AGBL4: variants seen among roughly 807,000 people sequenced by gnomAD.
AGBL4 encodes the protein cytosolic carboxypeptidase 6.
A neutral mutation model predicts 66.4 loss-of-function variants in AGBL4; 58 were observed. That is an observed-to-expected ratio of 0.87 (90% CI 0.71 to 1.09). The LOEUF is 1.09. Among genes scored for constraint, AGBL4 ranks in the 50% least tolerant of loss-of-function variants. AGBL4 has a pLI of 0.00. For synonymous variants in AGBL4, 234 were observed against 222.9 expected (o/e 1.05, Z -0.44); for missense variants, 579 against 631.0 (o/e 0.92, Z 0.88).
chr1:49,755,113 G>T (rs184188485), intron 2 of AGBL4, among the ~76,000 whole-genome samples: 5 of 152,038 alleles, frequency 3.3e-5, no homozygotes, highest in Admixed American at 2.6e-4. Context: ...TGGGTACCAG[G>T]GCCTAGCCAA....
chr1:49,466,854 G>A (rs1646642033), intron 3 of AGBL4, among the ~76,000 whole-genome samples: 1 of 151,764 alleles, frequency 6.6e-6, no homozygotes, highest in Non-Finnish European at 1.5e-5. Context: ...TGTAGGTGTT[G>A]GCATGCACAC....
intron 3 of AGBL4, among the ~76,000 whole-genome samples, chr1:49,403,650 G>A (rs916250176): frequency 7.2e-5 from 11 of 152,152 alleles, no homozygotes; most frequent in Non-Finnish European, 2.9e-5. Context: ...TATGCTTATA[G>A]ATGTTCTTCA....
intron 4 of AGBL4, among the ~76,000 whole-genome samples, chr1:49,088,114 T>C (rs1027449546): frequency 6.6e-6 from 1 of 152,158 alleles, no homozygotes; most frequent in Non-Finnish European, 1.5e-5. Flanking sequence ...AGATTGTTCC[T>C]GGCCACCACA....
intron 2 of AGBL4, among the ~76,000 whole-genome samples, chr1:49,795,597 C>G (rs894432592): frequency 8.6e-5 from 13 of 151,520 alleles, no homozygotes; most frequent in African/African-American, 2.9e-4. Context: ...ATTAGAAGAT[C>G]TAAGGGCAAA....
chr1:48,900,558 A>C (rs1273274808), intron 5 of AGBL4, among the ~76,000 whole-genome samples: 1 of 152,258 alleles, frequency 6.6e-6, no homozygotes, highest in Non-Finnish European at 1.5e-5. Context: ...AAAACAGAAC[A>C]GAGTCCAGAA....
intron 3 of AGBL4, among the ~76,000 whole-genome samples, chr1:49,282,393 T>C (rs1309327117): frequency 6.6e-6 from 1 of 152,170 alleles, no homozygotes; most frequent in African/African-American, 2.4e-5. Flanking sequence ...TATGGTACTA[T>C]TCAAAAGACA....
intron 5 of AGBL4, among the ~76,000 whole-genome samples, chr1:49,017,716 T>C (rs1167169069): frequency 6.6e-6 from 1 of 152,176 alleles, no homozygotes; most frequent in East Asian, 1.9e-4. Context: ...GACTGGCACA[T>C]GATAGGTGCT....
At chr1:49,781,191 A>C (rs1308332600) in intron 2 of AGBL4, among the ~76,000 whole-genome samples, 1 of 152,112 alleles carries the variant, frequency 6.6e-6, no homozygotes, top group Non-Finnish European at 1.5e-5. Context: ...GAAGTTTGAG[A>C]CCAGCCTGGG....
chr1:49,097,908 T>C (rs779602054), intron 4 of AGBL4, among the ~76,000 whole-genome samples: 1 of 152,218 alleles, frequency 6.6e-6, no homozygotes, highest in Non-Finnish European at 1.5e-5. Context: ...GAGGTAAAAG[T>C]CTTTCATTCT....
At chr1:48,830,326 A>T (rs1376773630) in intron 6 of AGBL4, among the ~76,000 whole-genome samples, 2 of 152,214 alleles carry the variant, frequency 1.3e-5, no homozygotes, top group Non-Finnish European at 2.9e-5. Flanking sequence ...TAGGCATTGC[A>T]ACTCTACTTT....
intron 3 of AGBL4, among the ~76,000 whole-genome samples, chr1:49,267,647 T>G (rs908968573): frequency 3.3e-5 from 5 of 151,820 alleles, no homozygotes; most frequent in African/African-American, 4.8e-5. Flanking sequence ...ACCACTGCAC[T>G]TCAGCCTGGG....
chr1:48,738,003 C>A (rs1240061319), intron 6 of AGBL4, among the ~76,000 whole-genome samples: 1 of 152,116 alleles, frequency 6.6e-6, no homozygotes, highest in Non-Finnish European at 1.5e-5. Flanking sequence ...TGGAGAGGTC[C>A]CTGGTCTAAG....
intron 3 of AGBL4, among the ~76,000 whole-genome samples, chr1:49,631,620 A>G (rs1477315995): frequency 6.6e-6 from 1 of 152,168 alleles, no homozygotes; most frequent in East Asian, 1.9e-4. Flanking sequence ...GGATGATATC[A>G]TTACTGTGAC....
At chr1:49,511,812 C>G (rs906396017) in intron 3 of AGBL4, among the ~76,000 whole-genome samples, 2 of 151,800 alleles carry the variant, frequency 1.3e-5, no homozygotes, top group African/African-American at 4.8e-5. Context: ...TAACATTGTA[C>G]ATGGACAGTT....
chr1:48,530,121 T>C (rs1181635720), downstream of AGBL4, among the ~76,000 whole-genome samples: 1 of 152,146 alleles, frequency 6.6e-6, no homozygotes, highest in Non-Finnish European at 1.5e-5. Flanking sequence ...TGGAGACAAA[T>C]GGATAAGGCC....
chr1:50,008,324 T>C (rs1375012568), intron 1 of AGBL4, among the ~76,000 whole-genome samples: 1 of 152,212 alleles, frequency 6.6e-6, no homozygotes, highest in African/African-American at 2.4e-5. Flanking sequence ...GTATCTTCTC[T>C]GAACACAGGG....
chr1:49,875,618 C>T (rs1167523132), intron 1 of AGBL4, among the ~76,000 whole-genome samples: 4 of 149,226 alleles, frequency 2.7e-5, no homozygotes, highest in Non-Finnish European at 3.0e-5. Context: ...AATAAACATA[C>T]GTGTACATGT....
At chr1:48,712,840 C>G (rs1238172712) in intron 6 of AGBL4, among the ~76,000 whole-genome samples, 5 of 152,122 alleles carry the variant, frequency 3.3e-5, no homozygotes, top group Middle Eastern at 3.2e-3. Flanking sequence ...AGTTGTGGCC[C>G]CCGTGAATGG....
intron 5 of AGBL4, among the ~76,000 whole-genome samples, chr1:49,036,815 TC>T (rs1664703597): frequency 6.6e-6 from 1 of 151,712 alleles, no homozygotes; most frequent in Non-Finnish European, 1.5e-5. Context: ...TCTCAGTTTT[TC>T]AGCCTTGTCT....
Sources: allele counts gnomAD v4.1 joint callset (sites outside exome capture counted in the v4.1 genomes callset), GRCh38; gene constraint gnomAD v4.1.1; transcripts MANE v1.5; gene names NCBI Gene and HGNC (gene_info 2026-07-23, HGNC 2026-07-21).